The following PTPRD variants were observed in gnomAD, a reference collection of about 807,000 sequenced individuals.
PTPRD encodes receptor-type tyrosine-protein phosphatase delta.
In PTPRD, 34 loss-of-function variants were observed where a neutral mutation model predicts 214.5. The observed-to-expected ratio is 0.16, with a 90% CI of 0.12 to 0.21. PTPRD has a LOEUF of 0.21. PTPRD is among the 10% of genes least tolerant of loss of function. The pLI, the probability that PTPRD is intolerant of heterozygous loss-of-function variation, is 1.00. For missense variants in PTPRD, 2,545 were observed against 2,398.7 expected, an observed-to-expected ratio of 1.06 and a Z score of -1.27; for synonymous variants, 1,128 against 845.7, an observed-to-expected ratio of 1.33 and a Z score of -5.79.
intron 2 of PTPRD, among the ~76,000 whole-genome samples, chr9:10,551,577 T>G (rs1226000871): frequency 2.0e-5 from 3 of 152,128 alleles, no homozygotes; most frequent in Non-Finnish European, 4.4e-5. Context: ...CCTTGCCCTC[T>G]CCACATGCAT....
chr9:10,502,114 A>G (rs564088264), intron 2 of PTPRD, among the ~76,000 whole-genome samples: 126 of 152,096 alleles, frequency 8.3e-4, no homozygotes, highest in African/African-American at 2.9e-3. Flanking sequence ...AAAGAAAACA[A>G]ACATTTCATG....
At chr9:9,159,908 TG>T (rs1177238190) in intron 10 of PTPRD, among the ~76,000 whole-genome samples, 1 of 152,134 alleles carries the variant, frequency 6.6e-6, no homozygotes, top group Non-Finnish European at 1.5e-5. Flanking sequence ...TAGTCATTTG[TG>T]GGCAATTGAT....
At chr9:10,236,467 G>A (rs1400746748) in intron 3 of PTPRD, among the ~76,000 whole-genome samples, 1 of 151,886 alleles carries the variant, frequency 6.6e-6, no homozygotes, top group African/African-American at 2.4e-5. Context: ...CCAAGGGTTT[G>A]TTCAACAGAT....
At chr9:8,449,563 C>T (rs114030869) in intron 34 of PTPRD, among the ~76,000 whole-genome samples, 162 bp downstream of exon 34, 7,118 of 152,218 alleles carry the variant, frequency 0.047, 216 homozygotes, top group East Asian at 0.089. Flanking sequence ...ACTTAATTTC[C>T]TTTCAGACTT....
intron 10 of PTPRD, among the ~76,000 whole-genome samples, chr9:9,062,556 TTATCTATC>T (rs33937021): frequency 5.3e-5 from 8 of 149,640 alleles, no homozygotes; most frequent in Non-Finnish European, 8.9e-5. Flanking sequence ...TCTCCATATA[TTATCTATC>T]TATCTATCTA....
intron 11 of PTPRD, among the ~76,000 whole-genome samples, chr9:8,775,027 G>A (rs184960356): frequency 6.6e-6 from 1 of 152,220 alleles, no homozygotes; most frequent in East Asian, 1.9e-4. Context: ...CGGGCGCCAT[G>A]GCCAAATAAT....
intron 10 of PTPRD, among the ~76,000 whole-genome samples, chr9:9,107,233 T>C (rs2099799906): frequency 1.3e-5 from 2 of 152,158 alleles, no homozygotes; most frequent in South Asian, 2.1e-4. Flanking sequence ...TAATCTAGTA[T>C]ACACCCATTG....
intron 14 of PTPRD, among the ~76,000 whole-genome samples, chr9:8,539,029 T>C (rs1423205707): frequency 6.6e-6 from 1 of 151,852 alleles, no homozygotes; most frequent in African/African-American, 2.4e-5. Context: ...GAATGAAAGG[T>C]ATATACTAAA....
At position 8,628,606 on chromosome 9, in the gene PTPRD, T is replaced by C. The variant is rs146467100; in HGVS notation, c.352+4711A>G. On this transcript the variant is annotated intron_variant, in intron 14 of 45. Coordinates refer to ENST00000381196, the MANE Select transcript of PTPRD (RefSeq NM_002839.4). Reference sequence around the variant, plus strand: ...GCTAATCCAAGGCCTTCCCAATGCATATCAGGCCAAAAAAAAAAAAAAGAA... The same window carrying C: ...GCTAATCCAAGGCCTTCCCAATGCACATCAGGCCAAAAAAAAAAAAAAGAA... Among the ~76,000 whole-genome samples the C allele has an allele frequency of 8.7e-3, 1,223 of 140,756 alleles. 4 individuals carry two copies. The highest frequency in any genetic ancestry group is 0.013 in the Non-Finnish European group (871 of 65,776). The allele number at this position is 140,756 out of a possible 152,430, so 92.3% of individuals were successfully genotyped here. A position where few individuals can be genotyped will look rare whatever the true frequency, so the allele number is the denominator to read the frequency against.
chr9:9,494,699 A>G (rs191264977), intron 8 of PTPRD, among the ~76,000 whole-genome samples: 2 of 152,354 alleles, frequency 1.3e-5, no homozygotes, highest in East Asian at 3.9e-4. Flanking sequence ...CCTCATGTTA[A>G]TGGATTGGAA....
chr9:8,649,536 C>A (rs1386190700), intron 12 of PTPRD, among the ~76,000 whole-genome samples: 3 of 152,178 alleles, frequency 2.0e-5, no homozygotes, highest in Non-Finnish European at 4.4e-5. Context: ...CATGCAGACA[C>A]TTTCAATGAG....
intron 21 of PTPRD, among the ~76,000 whole-genome samples, chr9:8,516,374 T>C (rs1017963769): frequency 3.3e-5 from 5 of 152,154 alleles, no homozygotes; most frequent in Non-Finnish European, 5.9e-5. Context: ...TTTCCTACAA[T>C]GTCATAGAGA....
chr9:8,321,461 T>TCG (rs1827440427), intron 44 of PTPRD, among the ~76,000 whole-genome samples: 1 of 86,614 alleles, frequency 1.2e-5, no homozygotes, highest in Non-Finnish European at 2.1e-5. Flanking sequence ...GAAGTCTTCT[T>TCG]TGTGTGTGTG....
intron 7 of PTPRD, among the ~76,000 whole-genome samples, chr9:9,600,555 A>G (rs1249875627): frequency 6.6e-6 from 1 of 152,082 alleles, no homozygotes; most frequent in Admixed American, 6.6e-5. Context: ...GGTGTTCAAG[A>G]GGAAGGAGGC....
intron 8 of PTPRD, among the ~76,000 whole-genome samples, chr9:9,551,538 C>T (rs1411728347): frequency 1.3e-5 from 2 of 151,864 alleles, no homozygotes; most frequent in Non-Finnish European, 2.9e-5. Context: ...GGAGTTCTGA[C>T]ACAGGTTCGC....
At chr9:8,592,497 G>C (rs1268701534) in intron 14 of PTPRD, among the ~76,000 whole-genome samples, 1 of 152,150 alleles carries the variant, frequency 6.6e-6, no homozygotes, top group East Asian at 1.9e-4. Context: ...TACTTGCAGA[G>C]TAGAAATTCC....
At chr9:9,327,435 G>A (rs780890472) in intron 9 of PTPRD, among the ~76,000 whole-genome samples, 15 of 151,914 alleles carry the variant, frequency 9.9e-5, no homozygotes, top group South Asian at 2.1e-4. Flanking sequence ...AAAAATTTAC[G>A]TTTGTGGCAC....
At chr9:10,313,464 T>C (rs542936230) in intron 3 of PTPRD, among the ~76,000 whole-genome samples, 2 of 151,498 alleles carry the variant, frequency 1.3e-5, no homozygotes, top group East Asian at 1.9e-4. Flanking sequence ...TCATTTTCAC[T>C]TCACAGTGCT....
chr9:8,474,210 T>G (rs886395116), intron 30 of PTPRD, among the ~76,000 whole-genome samples: 2 of 152,154 alleles, frequency 1.3e-5, no homozygotes, highest in African/African-American at 4.8e-5. Flanking sequence ...CCCTTCTTTT[T>G]TGAAGTTCAT....
Sources: gnomAD v4.1 joint callset for allele counts (sites outside exome capture counted in the v4.1 genomes callset) on GRCh38, gnomAD v4.1.1 for gene constraint, MANE v1.5 for transcripts, NCBI Gene and HGNC (gene_info 2026-07-23, HGNC 2026-07-21) for gene names.